The following DPYD variants were observed in gnomAD, a reference collection of about 807,000 sequenced individuals.
DPYD encodes dihydropyrimidine dehydrogenase [NADP(+)].
A neutral mutation model predicts 116.2 loss-of-function variants in DPYD; 109 were observed. The observed-to-expected ratio is 0.94, with a 90% CI of 0.80 to 1.10. The LOEUF is 1.10. Among genes scored for constraint, DPYD ranks in the 50% least tolerant of loss-of-function variants. The probability of loss-of-function intolerance (pLI) is 0.00; values close to 1 mark genes in which losing one functional copy is unlikely to be tolerated. For missense variants in DPYD, 1,302 were observed against 1,254.5 expected, an observed-to-expected ratio of 1.04 and a Z score of -0.57; for synonymous variants, 440 against 432.0, an observed-to-expected ratio of 1.02 and a Z score of -0.23.
At chr1:97,425,469 GGGAAA>G (rs1272655733) in intron 14 of DPYD, among the ~76,000 whole-genome samples, 1 of 151,896 alleles carries the variant, frequency 6.6e-6, no homozygotes, top group Non-Finnish European at 1.5e-5. Context: ...GAAGAAAGAA[GGGAAA>G]CTTAGAGATT....
intron 8 of DPYD, among the ~76,000 whole-genome samples, chr1:97,657,393 G>A (rs1361348479): frequency 6.6e-6 from 1 of 152,068 alleles, no homozygotes; most frequent in Non-Finnish European, 1.5e-5. Context: ...ATTAAAATTT[G>A]TATTTTTAAA....
intron 12 of DPYD, among the ~76,000 whole-genome samples, chr1:97,548,416 T>C (rs573131183): frequency 6.6e-6 from 1 of 152,262 alleles, no homozygotes; most frequent in African/African-American, 2.4e-5. Flanking sequence ...GTATCCTAAA[T>C]TGTTAAAAAC....
chr1:97,522,932 T>C (rs10158132), intron 12 of DPYD, among the ~76,000 whole-genome samples: 1,893 of 152,286 alleles, frequency 0.012, 24 homozygotes, highest in Middle Eastern at 0.024. Flanking sequence ...AGTATTCTAG[T>C]TATCCTTTGT....
At chr1:97,784,023 C>T (rs1666891573) in intron 3 of DPYD, among the ~76,000 whole-genome samples, 2 of 152,138 alleles carry the variant, frequency 1.3e-5, no homozygotes. Context: ...GCAGTATTAT[C>T]CTCTCACTTT....
intron 11 of DPYD, among the ~76,000 whole-genome samples, chr1:97,556,166 C>G (rs1392611860): frequency 6.6e-6 from 1 of 152,042 alleles, no homozygotes; most frequent in Non-Finnish European, 1.5e-5. Context: ...TAAGGTGCCT[C>G]CCCCTTGTTG....
At chr1:97,771,647 G>GAAT (rs1293930036) in intron 3 of DPYD, among the ~76,000 whole-genome samples, 1 of 152,150 alleles carries the variant, frequency 6.6e-6, no homozygotes, top group African/African-American at 2.4e-5. Flanking sequence ...ACAGCTAGAT[G>GAAT]AATGCATTAA....
intron 10 of DPYD, among the ~76,000 whole-genome samples, chr1:97,590,694 A>C (rs1654445071): frequency 6.6e-6 from 1 of 152,166 alleles, no homozygotes. Context: ...GTTGCTTCTC[A>C]ACACTTTGGT....
intron 19 of DPYD, among the ~76,000 whole-genome samples, chr1:97,216,366 T>A (rs1282750329): frequency 6.6e-6 from 1 of 152,162 alleles, no homozygotes; most frequent in East Asian, 1.9e-4. Context: ...TGTTGAGTAG[T>A]CTGCAGTAAA....
intron 13 of DPYD, among the ~76,000 whole-genome samples, chr1:97,475,035 C>T (rs946906108): frequency 4.0e-5 from 6 of 151,806 alleles, no homozygotes; most frequent in Non-Finnish European, 7.4e-5. Flanking sequence ...TATTAGCACA[C>T]GTAATAAAAA....
At chr1:97,454,462 GT>G (rs1676580229) in intron 13 of DPYD, among the ~76,000 whole-genome samples, 1 of 151,858 alleles carries the variant, frequency 6.6e-6, no homozygotes, top group Admixed American at 6.6e-5. Flanking sequence ...TTCAAGAATA[GT>G]TAGAGTAGAG....
chr1:97,821,097 G>A (rs1021911781), intron 3 of DPYD, among the ~76,000 whole-genome samples: 5 of 151,916 alleles, frequency 3.3e-5, no homozygotes, highest in African/African-American at 4.8e-5. Context: ...ATTGGAGGCC[G>A]AGGAGGGCAG....
At chr1:97,495,689 T>C (rs958096355) in intron 13 of DPYD, among the ~76,000 whole-genome samples, 1 of 152,094 alleles carries the variant, frequency 6.6e-6, no homozygotes, top group African/African-American at 2.4e-5. Context: ...GCTGGTATCA[T>C]GATAAATGAT....
At chr1:97,563,261 G>A (rs951511395) in intron 11 of DPYD, among the ~76,000 whole-genome samples, 4 of 152,018 alleles carry the variant, frequency 2.6e-5, no homozygotes. Context: ...CAGCATGTTA[G>A]GTTTCAGAAT....
chr1:97,556,754 A>T (rs188986436), intron 11 of DPYD, among the ~76,000 whole-genome samples: 2 of 149,892 alleles, frequency 1.3e-5, no homozygotes, highest in East Asian at 3.9e-4. Context: ...CCAGTCTATC[A>T]TTGTTGGACA....
intron 11 of DPYD, among the ~76,000 whole-genome samples, chr1:97,553,683 G>A (rs376189002): frequency 2.0e-5 from 3 of 151,868 alleles, no homozygotes; most frequent in African/African-American, 7.3e-5. Context: ...TTTATAAAAC[G>A]GGGGGGATTT....
At chr1:97,883,406 T>C (rs749937465) in intron 1 of DPYD, 32 bp from the exon 2 acceptor site, 4 of 1,384,704 alleles carry the variant, frequency 2.9e-6, no homozygotes, top group South Asian at 1.2e-5. Flanking sequence ...TGTAAATATA[T>C]GGAAATATGT....
At chr1:97,424,668 C>T (rs368758046) in intron 14 of DPYD, among the ~76,000 whole-genome samples, 6 of 152,016 alleles carry the variant, frequency 3.9e-5, no homozygotes, top group African/African-American at 1.2e-4. Context: ...TTGTCACCTT[C>T]GTAAGATCGA....
chr1:97,265,841 C>T (rs1418682832), intron 18 of DPYD, among the ~76,000 whole-genome samples: 1 of 152,072 alleles, frequency 6.6e-6, no homozygotes, highest in Non-Finnish European at 1.5e-5. Context: ...AATTTTGATA[C>T]TCTCTACTTA....
intron 3 of DPYD, among the ~76,000 whole-genome samples, chr1:97,807,662 T>C (rs1390004539): frequency 9.2e-5 from 14 of 152,122 alleles, no homozygotes; most frequent in Admixed American, 9.2e-4. Flanking sequence ...ACTTATCAAT[T>C]GTTTATTTCA....
Sources: gnomAD v4.1 joint callset for allele counts (sites outside exome capture counted in the v4.1 genomes callset) on GRCh38, gnomAD v4.1.1 for gene constraint, MANE v1.5 for transcripts, NCBI Gene and HGNC (gene_info 2026-07-23, HGNC 2026-07-21) for gene names.